ZNF536: variants seen among roughly 807,000 people sequenced by gnomAD.
ZNF536 encodes zinc finger protein 536.
In ZNF536, 13 loss-of-function variants were observed where a neutral mutation model predicts 84.5. The observed-to-expected ratio is 0.15, with a 90% CI of 0.10 to 0.24. ZNF536 has a LOEUF of 0.24. Among genes scored for constraint, ZNF536 ranks in the 10% least tolerant of loss-of-function variants. The probability of loss-of-function intolerance (pLI) is 1.00; values close to 1 mark genes in which losing one functional copy is unlikely to be tolerated. For synonymous variants in ZNF536, 811 were observed against 742.5 expected, an observed-to-expected ratio of 1.09 and a Z score of -1.50; for missense variants, 1,536 against 1,747.5, an observed-to-expected ratio of 0.88 and a Z score of 2.16.
At chr19:30,629,897 A>G (rs2048828319) in intron 1 of ZNF536, among the ~76,000 whole-genome samples, 1 of 152,228 alleles carries the variant, frequency 6.6e-6, no homozygotes, top group East Asian at 1.9e-4. Context: ...GTCCCTGCTC[A>G]GCCAGAACCA....
Position 30,548,438 on chromosome 19 carries a change from C to G in ZNF536, c.2819C>G (p.Ala940Gly), listed in dbSNP as rs2146201398. ...AAGGAGAAGGACATGAAGGACAAAG[C>G]CCTGGCTGACCCCCCTTCCATGAAA... Reference protein sequence around the residue: ...LKKEKDMKDKALADPPSMKVH... With the variant: ...LKKEKDMKDKGLADPPSMKVH... The change falls in exon 4 of 5, where the codon GCC (alanine) becomes GGC (glycine). Residue 940 changes from alanine (A) to glycine (G), a missense_variant. Ala to Gly is a moderately conservative substitution (Grantham distance 60). This residue lies in a region of ZNF536 where 624 missense variants were observed against 603.1 expected (regional missense o/e 1.03). Coordinates refer to ENST00000355537, the MANE Select transcript of ZNF536 (RefSeq NM_014717.3). 6.2e-7 allele frequency: 1 copy of G among 1,614,168 alleles called. No individual in the cohort carries two copies. The highest frequency in any genetic ancestry group is 8.5e-7 in the Non-Finnish European group (1 of 1,180,030).
At chr19:30,225,744 G>C (rs1220391925), upstream of ZNF536, among the ~76,000 whole-genome samples, 1 of 140,354 alleles carries the variant, frequency 7.1e-6, no homozygotes, top group Non-Finnish European at 1.6e-5. Flanking sequence ...GGGGGGCGGC[G>C]GCGGGTGGGG....
chr19:30,435,833 A>T (rs2051721911), intron 1 of ZNF536, among the ~76,000 whole-genome samples: 1 of 151,892 alleles, frequency 6.6e-6, no homozygotes, highest in Non-Finnish European at 1.5e-5. Context: ...TTTCCATCTG[A>T]TGTTGTTGTG....
At chr19:30,388,157 C>T (rs1025580460) in intron 1 of ZNF536, among the ~76,000 whole-genome samples, 2 of 152,112 alleles carry the variant, frequency 1.3e-5, no homozygotes, top group Admixed American at 1.3e-4. Flanking sequence ...ATAAGATTTC[C>T]CGGGGGAGTG....
chr19:30,706,485 CAA>C (rs751277069), intron 1 of ZNF536, among the ~76,000 whole-genome samples: 35 of 102,972 alleles, frequency 3.4e-4, no homozygotes, highest in Admixed American at 5.1e-4. Context: ...AACTCTGTCT[CAA>C]AAAAAAAAAA....
intron 2 of ZNF536, among the ~76,000 whole-genome samples, chr19:30,467,971 G>T (rs943496728): frequency 6.6e-6 from 1 of 152,252 alleles, no homozygotes. Flanking sequence ...TGCCATCCGG[G>T]AAGGAGGTGA....
At chr19:30,637,075 T>C (rs2049094450) in intron 1 of ZNF536, among the ~76,000 whole-genome samples, 1 of 152,218 alleles carries the variant, frequency 6.6e-6, no homozygotes, top group South Asian at 2.1e-4. Context: ...GAACATCCAG[T>C]GTCTTCCTGG....
At chr19:30,601,616 G>A (rs1362961158) in intron 1 of ZNF536, among the ~76,000 whole-genome samples, 1 of 152,144 alleles carries the variant, frequency 6.6e-6, no homozygotes, top group Non-Finnish European at 1.5e-5. Flanking sequence ...ACTCCCACAG[G>A]TGCTTAGAAA....
chr19:30,540,953 C>T (rs2045305686), intron 3 of ZNF536, among the ~76,000 whole-genome samples: 1 of 152,228 alleles, frequency 6.6e-6, no homozygotes, highest in African/African-American at 2.4e-5. Context: ...TTGGGTTTCC[C>T]CACTAGCACA....
chr19:30,613,561 A>T (rs572970921), intron 1 of ZNF536, among the ~76,000 whole-genome samples: 1 of 152,284 alleles, frequency 6.6e-6, no homozygotes, highest in African/African-American at 2.4e-5. Context: ...ATTGTCTCAG[A>T]TTTGGCAATT....
intron 2 of ZNF536, among the ~76,000 whole-genome samples, chr19:30,349,888 A>G (rs745393441): frequency 2.6e-5 from 4 of 152,172 alleles, no homozygotes; most frequent in Non-Finnish European, 5.9e-5. Context: ...ATGGAGAAGT[A>G]TAGTATGTTA....
chr19:30,313,902 G>A (rs753198551), intron 2 of ZNF536, among the ~76,000 whole-genome samples: 3 of 152,308 alleles, frequency 2.0e-5, no homozygotes, highest in Non-Finnish European at 4.4e-5. Context: ...CCCTCGCTCC[G>A]CACTATGCGG....
intron 2 of ZNF536, among the ~76,000 whole-genome samples, chr19:30,295,016 T>C (rs762096473): frequency 5.9e-5 from 9 of 152,094 alleles, no homozygotes; most frequent in Non-Finnish European, 1.3e-4. Flanking sequence ...CTAAGCTTCT[T>C]TGTAGGTCTT....
intron 1 of ZNF536, among the ~76,000 whole-genome samples, chr19:30,406,131 A>G (rs969385116): frequency 1.3e-5 from 2 of 152,338 alleles, no homozygotes; most frequent in Admixed American, 6.5e-5. Context: ...GTTCCTGAGT[A>G]TCTTCCATGC....
chr19:30,586,891 A>G (rs1342539054), intron 1 of ZNF536, among the ~76,000 whole-genome samples: 6 of 152,266 alleles, frequency 3.9e-5, no homozygotes, highest in Admixed American at 2.0e-4. Context: ...TTAAAAGTAT[A>G]TGAAAATCAT....
rs758652992 is a variant in ZNF536 at position 30,443,843 on chromosome 19, C to A, written c.281C>A (p.Thr94Asn). The change falls in exon 2 of 5, where the codon ACC (threonine) becomes AAC (asparagine). Residue 94 changes from threonine to asparagine, a missense_variant. Physicochemically the swap from Thr to Asn is moderately conservative, Grantham distance 65. This residue lies in a region of ZNF536 where 161 missense variants were observed against 178.5 expected (regional missense o/e 0.90). Coordinates refer to ENST00000355537, the MANE Select transcript of ZNF536 (RefSeq NM_014717.3). The stretch of plus-strand genomic sequence containing the variant: ...AACCAGCTGGGCCGGGAGGTGGACA[C>A]CAGCCTCAACGGGAGGGTGGACTTG... ...LANQLGREVDTSLNGRVDLQQ... is the reference protein window; with the variant it reads ...LANQLGREVDNSLNGRVDLQQ... 8 of 1,613,390 alleles carry A rather than the reference C, an allele frequency of 5.0e-6. No homozygotes were observed. The highest frequency in any genetic ancestry group is 6.8e-6 in the Non-Finnish European group (8 of 1,179,926).
chr19:30,278,157 GC>G (rs1326413811), intron 1 of ZNF536, among the ~76,000 whole-genome samples: 2 of 152,218 alleles, frequency 1.3e-5, no homozygotes, highest in Non-Finnish European at 2.9e-5. Flanking sequence ...AGGAAGACAT[GC>G]CATGCCACGT....
At chr19:30,479,163 C>G (rs1164628603) in intron 2 of ZNF536, among the ~76,000 whole-genome samples, 4 of 152,178 alleles carry the variant, frequency 2.6e-5, no homozygotes, top group African/African-American at 9.7e-5. Flanking sequence ...TTACTTTTCT[C>G]TCTCTCATCC....
At chr19:30,279,425 T>C (rs1295805001) in intron 1 of ZNF536, among the ~76,000 whole-genome samples, 2 of 152,142 alleles carry the variant, frequency 1.3e-5, no homozygotes, top group African/African-American at 4.8e-5. Context: ...CAGGACCCCC[T>C]TCCTGTTGGA....
Sources: allele counts gnomAD v4.1 joint callset (sites outside exome capture counted in the v4.1 genomes callset), GRCh38; gene constraint gnomAD v4.1.1; regional missense constraint gnomAD v4.1.1; transcripts MANE v1.5; gene names NCBI Gene and HGNC (gene_info 2026-07-23, HGNC 2026-07-21).